The following CCDC83 variants were observed in gnomAD, a reference collection of about 807,000 sequenced individuals.
CCDC83 encodes coiled-coil domain-containing protein 83.
In CCDC83, 54 loss-of-function variants were observed where a neutral mutation model predicts 50.1. The observed-to-expected ratio is 1.08, with a 90% CI of 0.87 to 1.35. The LOEUF is 1.35. CCDC83 is among the 40% of genes most tolerant of loss of function. The probability of loss-of-function intolerance (pLI) is 0.00; values close to 1 mark genes in which losing one functional copy is unlikely to be tolerated. For synonymous variants in CCDC83, 161 were observed against 153.3 expected (o/e 1.05, Z -0.37); for missense variants, 518 against 473.9 (o/e 1.09, Z -0.86).
intron 7 of CCDC83, among the ~76,000 whole-genome samples, chr11:85,909,470 C>A (rs1416349601): frequency 6.6e-6 from 1 of 152,160 alleles, no homozygotes; most frequent in East Asian, 1.9e-4. Context: ...TCCCCATGAG[C>A]ACCTCCTGAT....
At chr11:85,912,659 C>G (rs781561544) in intron 8 of CCDC83, 6 of 1,601,724 alleles carry the variant, frequency 3.7e-6, no homozygotes, top group Middle Eastern at 3.3e-4. Context: ...GTATCCAGTG[C>G]TACATTCCTG....
chr11:85,909,750 C>A (rs1296431942), intron 7 of CCDC83, among the ~76,000 whole-genome samples: 1 of 150,808 alleles, frequency 6.6e-6, no homozygotes, highest in Non-Finnish European at 1.5e-5. Context: ...AGCCTCCCGA[C>A]AAAATACACT....
At chr11:85,896,761 G>T (rs1184400765) in intron 6 of CCDC83, among the ~76,000 whole-genome samples, 1 of 127,600 alleles carries the variant, frequency 7.8e-6, no homozygotes, top group African/African-American at 2.9e-5. Flanking sequence ...CAAAATATCT[G>T]ATTTTTTTTT....
At position 85,882,730 on chromosome 11, in the gene CCDC83, T is replaced by C. The variant is rs893268817; in HGVS notation, c.343+55T>C. 3.4e-6 allele frequency: 5 copies of C among 1,473,232 alleles called. No individual in the cohort carries two copies. The African/African-American group carries it at 7.0e-5, about 21-fold the overall frequency. 91.3% of individuals were successfully genotyped at this position (1,473,232 alleles called of 1,614,324 possible). ...GAGTTGTGCCAAGTTATTTCTTGAA[T>C]ATATTAATGCTTTATTCTTCCAATA... On this transcript the variant is annotated intron_variant, in intron 4 of 10. Coordinates refer to ENST00000342404, the MANE Select transcript of CCDC83 (RefSeq NM_001286159.2).
rs1017616143 is a variant in CCDC83, at chr11:85,919,287, C to T, written c.1081-62C>T. ...CCAACTGTAATAAAGAAAGCCTAAT[C>T]TATCAAGCTGGTAATTTGCTGAATC... On this transcript the variant is annotated intron_variant, in intron 10 of 10. Transcript: ENST00000342404. 46 of 1,451,802 alleles carry T rather than the reference C, an allele frequency of 3.2e-5. 1 individual carries two copies. The South Asian group carries it at 5.2e-4, about 16-fold the overall frequency. 89.9% of individuals were successfully genotyped at this position (1,451,802 alleles called of 1,614,324 possible). A position where few individuals can be genotyped will look rare whatever the true frequency, so the allele number is the denominator to read the frequency against.
chr11:85,917,164 G>GAAAGAAAGAAAGAAAGAAAGAA, intron 10 of CCDC83, among the ~76,000 whole-genome samples: 1 of 76,566 alleles, frequency 1.3e-5, no homozygotes, highest in East Asian at 3.2e-4. Flanking sequence ...GAGAGAGAGA[G>GAAAGAAAGAAAGAAAGAAAGAA]AGAGAAAGAA....
chr11:85,901,752 A>G (rs2093403377), intron 7 of CCDC83, among the ~76,000 whole-genome samples: 1 of 151,990 alleles, frequency 6.6e-6, no homozygotes, highest in Non-Finnish European at 1.5e-5. Flanking sequence ...AATAAGAACC[A>G]GAGCAGTGGC....
intron 1 of CCDC83, among the ~76,000 whole-genome samples, chr11:85,863,291 T>C (rs1190894338): frequency 3.9e-5 from 6 of 152,220 alleles, no homozygotes; most frequent in African/African-American, 1.2e-4. Context: ...TGGAAAATAA[T>C]ATAAAAATTC....
At chr11:85,878,173 A>C (rs1050074418) in intron 3 of CCDC83, among the ~76,000 whole-genome samples, 2 of 152,214 alleles carry the variant, frequency 1.3e-5, no homozygotes, top group Non-Finnish European at 2.9e-5. Flanking sequence ...AAATGATAGA[A>C]AGTTCCTATG....
chr11:85,894,023 G>A (rs1169501949), intron 5 of CCDC83, among the ~76,000 whole-genome samples: 1 of 152,068 alleles, frequency 6.6e-6, no homozygotes, highest in African/African-American at 2.4e-5. Context: ...CTACATTATA[G>A]TGAGTTGTAT....
In CCDC83 at chr11:85,880,761, A is replaced by C. The variant is rs186977955; in HGVS notation, c.181-1752A>C. On this transcript the variant is annotated intron_variant, in intron 3 of 10. Coordinates refer to ENST00000342404, the MANE Select transcript of CCDC83 (RefSeq NM_001286159.2). ...TAGCTAGCATGGTTTCTGATGAAAAATATGCTGACATAGTTCGAGTACCCC... is the reference window on the plus strand; with the variant it reads ...TAGCTAGCATGGTTTCTGATGAAAACTATGCTGACATAGTTCGAGTACCCC... Among the ~76,000 whole-genome samples the C allele has an allele frequency of 1.1e-3, 160 of 152,174 alleles. 1 individual carries two copies. Among genetic ancestry groups the C allele is most frequent in the African/African-American group, 3.7e-3 (153 of 41,522 alleles).
At chr11:85,889,155 C>G (rs1043527026) in intron 5 of CCDC83, among the ~76,000 whole-genome samples, 6 of 152,178 alleles carry the variant, frequency 3.9e-5, no homozygotes, top group Admixed American at 3.9e-4. Flanking sequence ...GGGTTCGAGA[C>G]AAGCCTGAGC....
chr11:85,876,975 G>T (rs2093273000), intron 3 of CCDC83, among the ~76,000 whole-genome samples: 1 of 151,984 alleles, frequency 6.6e-6, no homozygotes, highest in Non-Finnish European at 1.5e-5. Flanking sequence ...ACCTCACTTT[G>T]TAGGATAAAC....
chr11:85,916,264 C>A (rs201256384), intron 10 of CCDC83, 31 bp downstream of exon 10: 2 of 1,416,224 alleles, frequency 1.4e-6, no homozygotes, highest in African/African-American at 1.4e-5. Context: ...ACTTTGACTA[C>A]TAAGAAAATG....
At chr11:85,909,748 G>A (rs116154653) in intron 7 of CCDC83, among the ~76,000 whole-genome samples, 256 of 149,002 alleles carry the variant, frequency 1.7e-3, no homozygotes, top group African/African-American at 5.7e-3. Context: ...TCAGCCTCCC[G>A]ACAAAATACA....
chr11:85,865,201 A>G lies in CCDC83; in HGVS notation c.78A>G (p.Glu26=), dbSNP rs1270032008. The change falls in exon 2 of 11, where the codon GAA becomes GAG. Residue 26 remains glutamate, a synonymous_variant. Transcript: ENST00000342404. The part of the protein sequence containing the change: ...PPKEIKLPTS[E]ALLDYQCQIK... ...AAGAAATTAAACTGCCTACCAGTGA[A>G]GCACTTCTAGACTATCAGTAAGTTT... The G allele has an allele frequency of 6.3e-7, 1 of 1,599,452 alleles. No homozygotes were observed. Among genetic ancestry groups the G allele is most frequent in the African/African-American group, 1.3e-5 (1 of 74,744 alleles).
At chr11:85,857,730 A>T (rs1382049700) in intron 1 of CCDC83, among the ~76,000 whole-genome samples, 1 of 152,164 alleles carries the variant, frequency 6.6e-6, no homozygotes, top group Non-Finnish European at 1.5e-5. Flanking sequence ...GCAAGGTAGC[A>T]GTGGTAGCAG....
chr11:85,917,166 G>GAGAAAGAA (rs1554986880), intron 10 of CCDC83, among the ~76,000 whole-genome samples: 5 of 62,454 alleles, frequency 8.0e-5, no homozygotes, highest in East Asian at 7.2e-4. Context: ...GAGAGAGAGA[G>GAGAAAGAA]AGAAAGAAAG....
intron 3 of CCDC83, 34 bp from the exon 4 acceptor site, chr11:85,882,479 A>G (rs2093305731): frequency 1.9e-6 from 3 of 1,608,358 alleles, no homozygotes; most frequent in South Asian, 1.1e-5. Context: ...TACATAGTTG[A>G]TCAAACGTGA....
Sources: gnomAD v4.1 joint callset for allele counts (sites outside exome capture counted in the v4.1 genomes callset) on GRCh38, gnomAD v4.1.1 for gene constraint, MANE v1.5 for transcripts, NCBI Gene and HGNC (gene_info 2026-07-23, HGNC 2026-07-21) for gene names.